Variants in ALG12 observed in about 807,000 individuals in gnomAD.
ALG12 encodes dol-P-Man:Man(7)GlcNAc(2)-PP-Dol alpha-1,6-mannosyltransferase.
In ALG12, 36 loss-of-function variants were observed where a neutral mutation model predicts 46.0. That is an observed-to-expected ratio of 0.78 (90% CI 0.60 to 1.03). The LOEUF (loss-of-function observed/expected upper bound fraction) is 1.03, where lower values mean the gene tolerates loss of function less well. Among genes scored for constraint, ALG12 ranks in the 50% least tolerant of loss-of-function variants. ALG12 has a pLI of 0.00. For synonymous variants in ALG12, 326 were observed against 291.6 expected, an observed-to-expected ratio of 1.12 and a Z score of -1.20; for missense variants, 599 against 633.5, an observed-to-expected ratio of 0.95 and a Z score of 0.58.
downstream of ALG12, among the ~76,000 whole-genome samples, chr22:49,895,821 G>A (rs976452563): frequency 2.0e-5 from 3 of 152,006 alleles, no homozygotes; most frequent in Non-Finnish European, 4.4e-5. Context: ...ACTTATAAAT[G>A]TAGTGGATTT....
chr22:49,914,953 T>A (rs954626379), intron 1 of ALG12, among the ~76,000 whole-genome samples: 3 of 152,246 alleles, frequency 2.0e-5, no homozygotes, highest in Non-Finnish European at 4.4e-5. Flanking sequence ...GGTATGGAAT[T>A]CCTGGCTTCA....
At chr22:49,862,686 GTTTTTCCTT>G in the ALG12 span, among the ~76,000 whole-genome samples, 1 of 114,764 alleles carries the variant, frequency 8.7e-6, no homozygotes, top group African/African-American at 3.7e-5. Context: ...TATTAGTTAA[GTTTTTCCTT>G]TTTTTTTTTT....
intron 1 of ALG12, among the ~76,000 whole-genome samples, chr22:49,915,105 G>A (rs896777995): frequency 4.6e-5 from 7 of 152,264 alleles, no homozygotes; most frequent in African/African-American, 1.7e-4. Context: ...TAGATTAGAA[G>A]GAAGGAGAAC....
the ALG12 span, among the ~76,000 whole-genome samples, chr22:49,879,991 G>A: frequency 2.0e-5 from 3 of 151,296 alleles, no homozygotes; most frequent in East Asian, 2.0e-4. Flanking sequence ...CCGCTTCATC[G>A]CAGGTCTGGT....
rs1328578277 is a variant in ALG12 at position 49,900,959 on chromosome 22, A to AG, written c.*2878_*2879insC. ...TCCCCACCAAAGGGAGCCAAGACCCACAGAGCAATGGCCGAGGCCAGAGGC... is the reference window on the plus strand; with the variant it reads ...TCCCCACCAAAGGGAGCCAAGACCCAGCAGAGCAATGGCCGAGGCCAGAGGC... On this transcript the variant is annotated 3_prime_UTR_variant, in exon 10 of 10. Coordinates refer to ENST00000330817, the MANE Select transcript of ALG12 (RefSeq NM_024105.4). 6.6e-6 allele frequency: 1 copy of AG among 152,286 alleles called. No individual in the cohort carries two copies. The highest frequency in any genetic ancestry group is 1.5e-5 in the Non-Finnish European group (1 of 68,084). 9.4% of individuals were successfully genotyped at this position (152,286 alleles called of 1,614,324 possible).
chr22:49,902,443 TG>T lies in ALG12; in HGVS notation c.*1394del. ...TGTGTATGCATGGTGTGTGCACGTG[TG>T]CACTGTGTATGCATGGTGTGTGCAC... On this transcript the variant is annotated 3_prime_UTR_variant, in exon 10 of 10. Transcript: ENST00000330817. 7.2e-6 allele frequency: 1 copy of T among 138,352 alleles called. No homozygotes were observed. The allele number at this position is 138,352 out of a possible 1,614,324, so 8.6% of individuals were successfully genotyped here.
the ALG12 span, among the ~76,000 whole-genome samples, chr22:49,872,211 A>G: frequency 3.9e-5 from 6 of 152,276 alleles, no homozygotes; most frequent in South Asian, 6.2e-4. Flanking sequence ...GAATATTCCA[A>G]AATCTTTATT....
the ALG12 span, among the ~76,000 whole-genome samples, chr22:49,881,798 C>T: frequency 6.6e-6 from 1 of 152,156 alleles, no homozygotes; most frequent in Non-Finnish European, 1.5e-5. Context: ...CTCCCAAGTA[C>T]TAGGGTTACA....
intron 1 of ALG12, among the ~76,000 whole-genome samples, chr22:49,915,022 C>G (rs1270697524): frequency 6.6e-6 from 1 of 152,212 alleles, no homozygotes; most frequent in Non-Finnish European, 1.5e-5. Context: ...GGCCACCATG[C>G]CCAGCCAAAA....
the ALG12 span, among the ~76,000 whole-genome samples, chr22:49,874,081 C>T: frequency 2.0e-5 from 3 of 152,288 alleles, no homozygotes; most frequent in East Asian, 1.9e-4. Flanking sequence ...TTTATGACAT[C>T]GATGGCCCTG....
chr22:49,897,160 A>G (rs934100290), downstream of ALG12, among the ~76,000 whole-genome samples: 4 of 152,088 alleles, frequency 2.6e-5, no homozygotes, highest in African/African-American at 9.7e-5. Flanking sequence ...ATGTCTTTCT[A>G]TGGGCTAGTC....
the ALG12 span, among the ~76,000 whole-genome samples, chr22:49,875,134 T>C: frequency 6.6e-6 from 1 of 152,206 alleles, no homozygotes; most frequent in African/African-American, 2.4e-5. Flanking sequence ...TTTCTTTTAT[T>C]GTAATGTCTT....
chr22:49,886,914 G>A, the ALG12 span: 3 of 1,614,108 alleles, frequency 1.9e-6, no homozygotes, highest in South Asian at 1.1e-5. This position sits in a 1 kb window ranked among gnomAD's most constrained non-coding sequence, Gnocchi z 7.7. Flanking sequence ...CTGAAGCCAT[G>A]GTGCTTGCGT....
chr22:49,888,652 T>C, the ALG12 span: 2 of 167,290 alleles, frequency 1.2e-5, no homozygotes, highest in African/African-American at 4.8e-5. Flanking sequence ...GTTCAAGTGG[T>C]GCCAGAATGC....
intron 4 of ALG12, 43 bp from the exon 5 acceptor site, chr22:49,910,131 C>A: frequency 6.4e-7 from 1 of 1,554,446 alleles, no homozygotes; most frequent in Non-Finnish European, 8.7e-7. Flanking sequence ...ACACAGGGCC[C>A]ACCCGGCCCA....
In ALG12 at chr22:49,902,356, G is replaced by A. The variant is rs1461158690; in HGVS notation, c.*1482C>T. The stretch of plus-strand genomic sequence containing the variant: ...CGTGTGCACTGTGTGTGGTGTGTAT[G>A]CATGGTGTGTGCACGTGTGCACGGT... On this transcript the variant is annotated 3_prime_UTR_variant, in exon 10 of 10. Coordinates refer to ENST00000330817, the MANE Select transcript of ALG12 (RefSeq NM_024105.4). The A allele has an allele frequency of 7.5e-6, 1 of 134,128 alleles. No individual in the cohort carries two copies. The highest frequency in any genetic ancestry group is 7.2e-5 in the Admixed American group (1 of 13,898). 8.3% of individuals were successfully genotyped at this position (134,128 alleles called of 1,614,324 possible). A position where few individuals can be genotyped will look rare whatever the true frequency, so the allele number is the denominator to read the frequency against.
At chr22:49,870,689 GCTT>G in the ALG12 span, among the ~76,000 whole-genome samples, 1 of 151,914 alleles carries the variant, frequency 6.6e-6, no homozygotes, top group Non-Finnish European at 1.5e-5. Flanking sequence ...TTCTTGTTAA[GCTT>G]CTTATAGATT....
chr22:49,897,233 G>A (rs1382069078), downstream of ALG12, among the ~76,000 whole-genome samples: 1 of 152,104 alleles, frequency 6.6e-6, no homozygotes, highest in Non-Finnish European at 1.5e-5. Flanking sequence ...CCTACTGAAG[G>A]GCATCTTGGT....
chr22:49,909,947 A>T lies in ALG12; in HGVS notation c.611T>A (p.Val204Asp). 1 of 1,614,082 alleles carries T rather than the reference A, an allele frequency of 6.2e-7. No individual in the cohort carries two copies. The highest frequency in any genetic ancestry group is 8.5e-7 in the Non-Finnish European group (1 of 1,179,990). The part of the protein sequence containing the change: ...LLLLALGNRK[V>D]SVVRALRHAV... Reference sequence around the variant, plus strand: ...GTGGCGAAGGGCTCTGACTACAGAAACCTTTCGGTTGCCCAAGGCCAGCAG... The same window carrying T: ...GTGGCGAAGGGCTCTGACTACAGAATCCTTTCGGTTGCCCAAGGCCAGCAG... Residue 204 changes from valine to aspartate, a missense_variant, in exon 5 of 10, where the codon GTT becomes GAT. Coordinates refer to ENST00000330817, the MANE Select transcript of ALG12 (RefSeq NM_024105.4).
Sources: gnomAD v4.1 joint callset for allele counts (sites outside exome capture counted in the v4.1 genomes callset) on GRCh38, gnomAD v4.1.1 for gene constraint, Gnocchi (gnomAD v3.1) non-coding constraint, MANE v1.5 for transcripts, NCBI Gene and HGNC (gene_info 2026-07-23, HGNC 2026-07-21) for gene names.